The following GRID2 variants were observed in gnomAD, a reference collection of about 807,000 sequenced individuals.
GRID2 encodes the protein glutamate ionotropic receptor delta type subunit 2, also known as glutamate receptor ionotropic, delta-2.
GRID2 carries 33 observed loss-of-function variants against 114.8 expected under a neutral mutation model. The ratio of observed to expected loss-of-function variants is 0.29; its 90% CI spans 0.22 to 0.38. The LOEUF is 0.38. Ranked by LOEUF, GRID2 falls within the 10% of genes least tolerant of loss-of-function variation. The pLI, the probability that GRID2 is intolerant of heterozygous loss-of-function variation, is 1.00. For synonymous variants in GRID2, 505 were observed against 449.9 expected, an observed-to-expected ratio of 1.12 and a Z score of -1.55; for missense variants, 1,184 against 1,257.7, an observed-to-expected ratio of 0.94 and a Z score of 0.89.
chr4:92,762,869 TTC>T (rs1348396598), intron 2 of GRID2, among the ~76,000 whole-genome samples: 1 of 152,230 alleles, frequency 6.6e-6, no homozygotes, highest in Non-Finnish European at 1.5e-5. Flanking sequence ...GATGCTACTC[TTC>T]TCTGTTTTCT....
chr4:92,381,175 C>A (rs184404282), intron 1 of GRID2, among the ~76,000 whole-genome samples: 119 of 151,824 alleles, frequency 7.8e-4, no homozygotes, highest in Middle Eastern at 3.4e-3. Context: ...TATTATTATC[C>A]CCATGTGTAG....
intron 1 of GRID2, among the ~76,000 whole-genome samples, chr4:92,314,021 T>C (rs557357183): frequency 7.9e-5 from 12 of 152,098 alleles, no homozygotes; most frequent in Non-Finnish European, 1.5e-4. Context: ...TTAAAATTGA[T>C]ACACCTTTTT....
At chr4:93,795,664 G>A (rs1238490965) in intron 1 of GRID2, among the ~76,000 whole-genome samples, 1 of 152,124 alleles carries the variant, frequency 6.6e-6, no homozygotes, top group Non-Finnish European at 1.5e-5. Flanking sequence ...AGGTGAGCAA[G>A]TATAGGATTC....
chr4:92,934,994 T>C (rs1417066690), intron 2 of GRID2, among the ~76,000 whole-genome samples: 1 of 146,474 alleles, frequency 6.8e-6, no homozygotes, highest in Non-Finnish European at 1.5e-5. Flanking sequence ...ACTTCATGTC[T>C]AAAACACCAA....
rs1290767072 is a variant in GRID2 at position 93,657,379 on chromosome 4, A to G, written c.2360+30944A>G. 6.6e-5 allele frequency among the ~76,000 whole-genome samples: 10 copies of G among 152,292 alleles called. No homozygotes were observed. The East Asian group carries it at 1.2e-3, about 18-fold the overall frequency. ...AGTGAATACTGAAATTAAACTGTAG[A>G]TTGACTAAATGAACCACTGTTATAG... On this transcript the variant is annotated intron_variant, in intron 14 of 15. Coordinates refer to ENST00000282020, the MANE Select transcript of GRID2 (RefSeq NM_001510.4).
At chr4:93,543,073 G>T (rs6532413) in intron 13 of GRID2, among the ~76,000 whole-genome samples, 2 of 152,110 alleles carry the variant, frequency 1.3e-5, no homozygotes, top group African/African-American at 4.8e-5. Context: ...TCACTGATTC[G>T]CACTGCATCC....
intron 2 of GRID2, among the ~76,000 whole-genome samples, chr4:92,763,336 A>G (rs970074083): frequency 6.6e-5 from 10 of 152,210 alleles, no homozygotes; most frequent in African/African-American, 9.6e-5. Context: ...AAAAATGCAC[A>G]TATATGTATT....
intron 4 of GRID2, among the ~76,000 whole-genome samples, chr4:93,134,658 C>A (rs1735081502): frequency 6.6e-6 from 1 of 151,986 alleles, no homozygotes; most frequent in Non-Finnish European, 1.5e-5. Context: ...TGCAAATATT[C>A]TCAGCCACTA....
chr4:92,478,288 T>G (rs1000590019), intron 1 of GRID2, among the ~76,000 whole-genome samples: 1 of 152,136 alleles, frequency 6.6e-6, no homozygotes, highest in Non-Finnish European at 1.5e-5. Flanking sequence ...TTAGTCTGAT[T>G]GTTTGGAAGT....
chr4:93,652,570 T>C (rs2149723616), intron 14 of GRID2, among the ~76,000 whole-genome samples: 1 of 152,032 alleles, frequency 6.6e-6, no homozygotes, highest in Admixed American at 6.6e-5. Context: ...CCTAGGTGTG[T>C]AGTAGGCTAT....
intron 3 of GRID2, among the ~76,000 whole-genome samples, chr4:93,089,400 G>C (rs1195212892): frequency 2.6e-5 from 4 of 152,128 alleles, no homozygotes; most frequent in Non-Finnish European, 4.4e-5. Flanking sequence ...AAAACAGGCT[G>C]ACCTATCTGT....
At chr4:93,240,517 G>A (rs1399985736) in intron 8 of GRID2, among the ~76,000 whole-genome samples, 1 of 150,138 alleles carries the variant, frequency 6.7e-6, no homozygotes, top group Non-Finnish European at 1.5e-5. Context: ...CTGAATTTTA[G>A]TGTTTTATCA....
At chr4:92,990,252 T>G (rs1264542718) in intron 2 of GRID2, among the ~76,000 whole-genome samples, 1 of 143,872 alleles carries the variant, frequency 7.0e-6, no homozygotes, top group Admixed American at 7.0e-5. Context: ...GTGTGTGTGA[T>G]ATATGTATAT....
chr4:93,648,368 C>T (rs796533659), intron 14 of GRID2, among the ~76,000 whole-genome samples: 18 of 152,110 alleles, frequency 1.2e-4, no homozygotes, highest in African/African-American at 4.1e-4. Flanking sequence ...AGGAACAAAG[C>T]CCCTAAGGAC....
chr4:92,902,968 C>T (rs945916083), intron 2 of GRID2, among the ~76,000 whole-genome samples: 1 of 151,878 alleles, frequency 6.6e-6, no homozygotes, highest in Non-Finnish European at 1.5e-5. Flanking sequence ...CTCATAGCAT[C>T]ATTTGAAGTC....
At chr4:93,016,600 G>A (rs1176180458) in intron 2 of GRID2, among the ~76,000 whole-genome samples, 1 of 152,114 alleles carries the variant, frequency 6.6e-6, no homozygotes, top group Non-Finnish European at 1.5e-5. Context: ...TTTGAATGTG[G>A]TGGAATGTAG....
chr4:92,635,910 ATAG>A (rs1731044176), intron 2 of GRID2, among the ~76,000 whole-genome samples: 3 of 152,030 alleles, frequency 2.0e-5, no homozygotes, highest in Admixed American at 2.0e-4. Flanking sequence ...TGAGTACATC[ATAG>A]TAGAGTAAGT....
intron 2 of GRID2, among the ~76,000 whole-genome samples, chr4:92,643,765 T>A (rs4308337): frequency 0.085 from 12,902 of 151,026 alleles, 669 homozygotes; most frequent in East Asian, 0.16. Context: ...TGGCCAAATT[T>A]AAAAAAAAAT....
intron 14 of GRID2, among the ~76,000 whole-genome samples, chr4:93,768,667 C>G (rs931140895): frequency 2.0e-5 from 3 of 152,136 alleles, no homozygotes; most frequent in African/African-American, 7.2e-5. Flanking sequence ...CCCAAGGCTT[C>G]CTCTCACACT....
Sources: allele counts gnomAD v4.1 joint callset (sites outside exome capture counted in the v4.1 genomes callset), GRCh38; gene constraint gnomAD v4.1.1; transcripts MANE v1.5; gene names NCBI Gene and HGNC (gene_info 2026-07-23, HGNC 2026-07-21).